The following ACSBG2 variants were observed in gnomAD, a reference collection of about 807,000 sequenced individuals.
The protein encoded by ACSBG2 is long-chain-fatty-acid--CoA ligase ACSBG2.
ACSBG2 carries 62 observed loss-of-function variants against 74.7 expected under a neutral mutation model. That is an observed-to-expected ratio of 0.83 (90% CI 0.68 to 1.03). The LOEUF (loss-of-function observed/expected upper bound fraction) is 1.03, where lower values mean the gene tolerates loss of function less well. ACSBG2 is among the 50% of genes least tolerant of loss of function. ACSBG2 has a pLI of 0.00. For missense variants in ACSBG2, 730 were observed against 817.6 expected, an observed-to-expected ratio of 0.89 and a Z score of 1.31; for synonymous variants, 309 against 294.1, an observed-to-expected ratio of 1.05 and a Z score of -0.52.
intron 7 of ACSBG2, among the ~76,000 whole-genome samples, chr19:6,173,779 T>A (rs891269852): frequency 3.3e-5 from 5 of 152,092 alleles, no homozygotes; most frequent in Admixed American, 2.6e-4. Flanking sequence ...AGTGGCAGAT[T>A]CTCATTCATA....
chr19:6,153,938 GGAAAA>G (rs1291815156), intron 4 of ACSBG2, among the ~76,000 whole-genome samples: 2 of 146,476 alleles, frequency 1.4e-5, no homozygotes, highest in Non-Finnish European at 3.0e-5. Context: ...AAGGAAGGAA[GGAAAA>G]GAAAAGAGAA....
intron 7 of ACSBG2, chr19:6,176,250 G>T: frequency 7.5e-7 from 1 of 1,325,144 alleles, no homozygotes; most frequent in Non-Finnish European, 9.7e-7. Flanking sequence ...CTGAAGTGGG[G>T]GCCCCAGGTC....
chr19:6,147,363 C>G (rs967204431), intron 2 of ACSBG2, 83 bp from the exon 3 acceptor site: 1 of 1,142,578 alleles, frequency 8.8e-7, no homozygotes, highest in Non-Finnish European at 1.3e-6. Flanking sequence ...CACCTTAGGT[C>G]CAAAAAGACA....
In ACSBG2 at chr19:6,174,634, G is replaced by A. The variant is rs78134070; in HGVS notation, c.739-2595G>A. Among the ~76,000 whole-genome samples, 767 of 152,240 alleles carry A rather than the reference G, an allele frequency of 5.0e-3. 9 individuals are homozygous for A. The highest frequency in any genetic ancestry group is 6.8e-3 in the Middle Eastern group (2 of 294). ...GAGAGAAGGCTGGGAAACACAGCAAGACCTCATCTCTACAAAAATGTTTTA... is the reference window on the plus strand; with the variant it reads ...GAGAGAAGGCTGGGAAACACAGCAAAACCTCATCTCTACAAAAATGTTTTA... On this transcript the variant is annotated intron_variant, in intron 7 of 14. Coordinates refer to ENST00000588485, the MANE Select transcript of ACSBG2 (RefSeq NM_030924.5). This position sits in a 1 kb window ranked among gnomAD's most constrained non-coding sequence, Gnocchi z 4.2.
intron 8 of ACSBG2, among the ~76,000 whole-genome samples, chr19:6,179,292 AATT>A (rs2090176784): frequency 7.8e-6 from 1 of 128,052 alleles, no homozygotes; most frequent in African/African-American, 2.9e-5. Context: ...TTCTTTTCTA[AATT>A]TTTTTTTTTT....
intron 2 of ACSBG2, among the ~76,000 whole-genome samples, chr19:6,144,262 T>C (rs895171134): frequency 2.0e-5 from 3 of 152,178 alleles, no homozygotes; most frequent in Non-Finnish European, 4.4e-5. Context: ...CCTCCCAAAG[T>C]GCTGGAATTA....
At chr19:6,168,810 G>A (rs541557222) in intron 7 of ACSBG2, among the ~76,000 whole-genome samples, 1 of 151,980 alleles carries the variant, frequency 6.6e-6, no homozygotes, top group African/African-American at 2.4e-5. Flanking sequence ...ACAGAGTCTT[G>A]CTCTGTCATC....
chr19:6,183,715 A>G (rs2090325557), intron 10 of ACSBG2, among the ~76,000 whole-genome samples: 1 of 152,216 alleles, frequency 6.6e-6, no homozygotes, highest in Admixed American at 6.5e-5. Context: ...GCTGTCAGTC[A>G]TAGAATCTTC....
At chr19:6,136,315 A>G (rs1238375379) in intron 1 of ACSBG2, among the ~76,000 whole-genome samples, 2 of 151,858 alleles carry the variant, frequency 1.3e-5, no homozygotes, top group African/African-American at 4.8e-5. Context: ...GATAGTCTCA[A>G]TCTCCTGACC....
chr19:6,185,603 TG>T lies in ACSBG2; in HGVS notation c.1493del (p.Gly498AlafsTer48). 1 of 1,614,178 alleles carries T rather than the reference TG, an allele frequency of 6.2e-7. No homozygotes were observed. The highest frequency in any genetic ancestry group is 8.5e-7 in the Non-Finnish European group (1 of 1,180,012). On this transcript the variant is annotated frameshift_variant, in exon 11 of 15. Transcript: ENST00000588485. LOFTEE classifies it high-confidence loss of function. ...DDEGWLHSGD[L>X]GQLDGLGFLY... The stretch of plus-strand genomic sequence containing the variant: ...GAAGGCTGGCTACACTCTGGGGATC[TG>T]GGCCAGCTGGACGGTCTGGGTTTCC...
At chr19:6,185,382 G>C (rs1459954569) in intron 10 of ACSBG2, 54 bp from the exon 11 acceptor site, 16 of 1,583,062 alleles carry the variant, frequency 1.0e-5, no homozygotes, top group Non-Finnish European at 1.0e-5. Context: ...AGGCAGAGCT[G>C]GGTGGCTGAC....
At chr19:6,172,661 G>T (rs1348819968) in intron 7 of ACSBG2, among the ~76,000 whole-genome samples, 1 of 152,228 alleles carries the variant, frequency 6.6e-6, no homozygotes, top group Admixed American at 6.5e-5. Flanking sequence ...CTGCAGGACT[G>T]AGGGTGTGGA....
At chr19:6,162,800 G>A (rs2089670585) in intron 6 of ACSBG2, among the ~76,000 whole-genome samples, 1 of 151,970 alleles carries the variant, frequency 6.6e-6, no homozygotes, top group Admixed American at 6.6e-5. Context: ...CTGGATGCCA[G>A]GAATATATCC....
chr19:6,169,093 A>C (rs1033708739), intron 7 of ACSBG2, among the ~76,000 whole-genome samples: 3 of 152,166 alleles, frequency 2.0e-5, no homozygotes, highest in Non-Finnish European at 2.9e-5. Context: ...TTAGTCCTTT[A>C]ATTGATGCAC....
chr19:6,141,747 G>T (rs9304926), intron 2 of ACSBG2, 137 bp downstream of exon 2: 400,014 of 608,674 alleles, frequency 0.66, 132,238 homozygotes, highest in Admixed American at 0.71. Context: ...CCACCCTTTT[G>T]TTTTGAGACA....
rs1444952509 is a variant in ACSBG2 at position 6,192,697 on chromosome 19, G to A, written c.*65G>A. On this transcript the variant is annotated 3_prime_UTR_variant, in exon 15 of 15. Coordinates refer to ENST00000588485, the MANE Select transcript of ACSBG2 (RefSeq NM_030924.5). ...CAGCAGGAAGACCTCATTGCAATAA[G>A]TGAAATGCTGCTCTAGGTAGAAGCT... The A allele has an allele frequency of 2.0e-5, 3 of 152,296 alleles. No individual in the cohort carries two copies. Among genetic ancestry groups the A allele is most frequent in the South Asian group, 2.1e-4 (1 of 4,822 alleles). The allele number at this position is 152,296 out of a possible 1,614,324, so 9.4% of individuals were successfully genotyped here.
At position 6,166,280 on chromosome 19, in the gene ACSBG2, T is replaced by TTGTGTGTGTGTGTGTGTGTGTGTGTG. The variant is rs35422900; in HGVS notation, c.738+291_738+316dup. Reference sequence around the variant, plus strand: ...GATTCCTCTGTGTGAGTCAGGAAGGTTGTGTGTGTGTGTGTGTGTGTGTGT... The same window carrying TTGTGTGTGTGTGTGTGTGTGTGTGTG: ...GATTCCTCTGTGTGAGTCAGGAAGGTTGTGTGTGTGTGTGTGTGTGTGTGTGTGTGTGTGTGTGTGTGTGTGTGTGT... On this transcript the variant is annotated intron_variant, in intron 7 of 14. Coordinates refer to ENST00000588485, the MANE Select transcript of ACSBG2 (RefSeq NM_030924.5). Among the ~76,000 whole-genome samples the TTGTGTGTGTGTGTGTGTGTGTGTGTG allele has an allele frequency of 1.9e-3, 221 of 119,130 alleles. 9 individuals carry two copies. The highest frequency in any genetic ancestry group is 6.4e-3 in the African/African-American group (169 of 26,564). The allele number at this position is 119,130 out of a possible 152,430, so 78.2% of individuals were successfully genotyped here. A position where few individuals can be genotyped will look rare whatever the true frequency, so the allele number is the denominator to read the frequency against.
In ACSBG2 at chr19:6,161,206, T is replaced by TA; in HGVS notation, c.508-9_508-8insA. 1 of 1,612,782 alleles carries TA rather than the reference T, an allele frequency of 6.2e-7. No individual in the cohort carries two copies. The highest frequency in any genetic ancestry group is 8.5e-7 in the Non-Finnish European group (1 of 1,179,088). Reference sequence around the variant, plus strand: ...GTTGCCATGAAGCCCACAGGGAACTTTCTTTCAGATTCCACAGAGCAGCCT... The same window carrying TA: ...GTTGCCATGAAGCCCACAGGGAACTTATCTTTCAGATTCCACAGAGCAGCCT... On this transcript the variant is annotated splice_polypyrimidine_tract_variant and intron_variant, in intron 5 of 14. Transcript: ENST00000588485.
In ACSBG2 at chr19:6,178,678, T is replaced by C. The variant is rs558281669; in HGVS notation, c.906+1282T>C. 1.8e-4 allele frequency among the ~76,000 whole-genome samples: 28 copies of C among 152,280 alleles called. 1 individual carries two copies. In the South Asian group the frequency reaches 4.4e-3, roughly 24 times the overall value. On this transcript the variant is annotated intron_variant, in intron 8 of 14. Transcript: ENST00000588485. ...GCATGAGCCACTGCACCCAGCTCCATTGCATTATTTTTTTCCTCCATCCTT... is the reference window on the plus strand; with the variant it reads ...GCATGAGCCACTGCACCCAGCTCCACTGCATTATTTTTTTCCTCCATCCTT...
Sources: allele counts gnomAD v4.1 joint callset (sites outside exome capture counted in the v4.1 genomes callset), GRCh38; gene constraint gnomAD v4.1.1; non-coding constraint Gnocchi (gnomAD v3.1); transcripts MANE v1.5; gene names NCBI Gene and HGNC (gene_info 2026-07-23, HGNC 2026-07-21).